Variants in RAVER1 observed in about 807,000 individuals in gnomAD.
RAVER1 encodes the protein ribonucleoprotein PTB-binding 1.
In RAVER1, 36 loss-of-function variants were observed where a neutral mutation model predicts 68.4. That is an observed-to-expected ratio of 0.53 (90% CI 0.40 to 0.70). The LOEUF (loss-of-function observed/expected upper bound fraction) is 0.70, where lower values mean the gene tolerates loss of function less well. RAVER1 is among the 30% of genes least tolerant of loss of function. RAVER1 has a pLI of 0.00. For synonymous variants in RAVER1, 469 were observed against 472.7 expected, an observed-to-expected ratio of 0.99 and a Z score of 0.10; for missense variants, 933 against 1,019.8, an observed-to-expected ratio of 0.91 and a Z score of 1.16.
intron 1 of RAVER1, among the ~76,000 whole-genome samples, chr19:10,331,599 T>C (rs570725354): frequency 2.0e-5 from 3 of 146,796 alleles, no homozygotes; most frequent in Non-Finnish European, 4.5e-5. Context: ...GGCAAGACAA[T>C]TGCTTGAACC....
intron 3 of RAVER1, among the ~76,000 whole-genome samples, chr19:10,325,172 C>G (rs2040465990): frequency 6.6e-6 from 1 of 152,132 alleles, no homozygotes; most frequent in South Asian, 2.1e-4. Context: ...AGGCACCTAC[C>G]ACCACGCCTG....
chr19:10,331,781 G>T (rs2040520741), intron 1 of RAVER1, among the ~76,000 whole-genome samples: 1 of 151,288 alleles, frequency 6.6e-6, no homozygotes, highest in Non-Finnish European at 1.5e-5. Context: ...CAACAACTCT[G>T]TAAGTGAAGT....
chr19:10,328,202 C>T lies in RAVER1; in HGVS notation c.756+440G>A, dbSNP rs1568312996. Among the ~76,000 whole-genome samples the T allele has an allele frequency of 6.6e-6, 1 of 152,104 alleles. No individual in the cohort carries two copies. Among genetic ancestry groups the T allele is most frequent in the Non-Finnish European group, 1.5e-5 (1 of 68,024 alleles). On this transcript the variant is annotated intron_variant, in intron 3 of 12. Coordinates refer to ENST00000617231, the MANE Select transcript of RAVER1 (RefSeq NM_133452.3). This position sits in a 1 kb window ranked among gnomAD's most constrained non-coding sequence, Gnocchi z 4.4. Reference sequence around the variant, plus strand: ...GTGAGTGGTGAGCAAGCCTCGAGATCCATAGTTACAAGAGTGGCCTTGCAT... The same window carrying T: ...GTGAGTGGTGAGCAAGCCTCGAGATTCATAGTTACAAGAGTGGCCTTGCAT...
In RAVER1 at chr19:10,317,612, G is replaced by A. The variant is rs1001245362; in HGVS notation, c.2074-12C>T. ...CCGCCCAGTGGGGTCTGGAGACAGA[G>A]GGCAGGGCGGGGCGGGTCAGGGGCC... is the stretch of plus-strand genomic sequence containing the variant. On this transcript the variant is annotated splice_polypyrimidine_tract_variant and intron_variant, in intron 12 of 12. Transcript: ENST00000617231. The surrounding 1 kb of genome is among the most constrained non-coding windows in gnomAD (Gnocchi z 4.3). 1.3e-6 allele frequency: 2 copies of A among 1,593,240 alleles called. No homozygotes were observed. Among genetic ancestry groups the A allele is most frequent in the Non-Finnish European group, 8.5e-7 (1 of 1,170,178 alleles).
Position 10,329,462 on chromosome 19 carries a change from G to C in RAVER1, c.287-351C>G, listed in dbSNP as rs1483764921. Among the ~76,000 whole-genome samples the C allele has an allele frequency of 6.6e-6, 1 of 152,226 alleles. No homozygotes were observed. Among genetic ancestry groups the C allele is most frequent in the Admixed American group, 6.5e-5 (1 of 15,282 alleles). ...GCCCAGATTTAAGCCCCAAGCCCCA[G>C]GTGGCTTTGGGGGTATCAGTTTCCT... On this transcript the variant is annotated intron_variant, in intron 2 of 12. Coordinates refer to ENST00000617231, the MANE Select transcript of RAVER1 (RefSeq NM_133452.3). This position sits in a 1 kb window ranked among gnomAD's most constrained non-coding sequence, Gnocchi z 4.6.
Position 10,321,159 on chromosome 19 carries a change from GC to G in RAVER1, c.1361del (p.Gly454AlafsTer53). 7.8e-7 allele frequency: 1 copy of G among 1,286,198 alleles called. No homozygotes were observed. 79.7% of individuals were successfully genotyped at this position (1,286,198 alleles called of 1,614,324 possible). A position where few individuals can be genotyped will look rare whatever the true frequency, so the allele number is the denominator to read the frequency against. ...TGAGCTGGGCCGCTGGGGGACCCAA[GC>G]CCAGGGCCTCCCGGTCACCCCCAGC... The part of the protein sequence containing the change: ...GPAGGDREAL[G>X]LGPPAAQLTP... On this transcript the variant is annotated frameshift_variant, in exon 8 of 13. Transcript: ENST00000617231. LOFTEE classifies it high-confidence loss of function.
intron 3 of RAVER1, among the ~76,000 whole-genome samples, chr19:10,325,547 G>A (rs1324824455): frequency 1.3e-5 from 2 of 151,784 alleles, no homozygotes; most frequent in Non-Finnish European, 2.9e-5. Context: ...TTACCATGTT[G>A]GCCAGGCTGG....
Position 10,316,359 on chromosome 19 carries a change from C to T in RAVER1, c.*1095G>A, listed in dbSNP as rs1023844556. The T allele has an allele frequency of 9.0e-7, 1 of 1,111,214 alleles. No homozygotes were observed. Among genetic ancestry groups the T allele is most frequent in the South Asian group, 2.5e-5 (1 of 40,358 alleles). 68.8% of individuals were successfully genotyped at this position (1,111,214 alleles called of 1,614,324 possible). A position where few individuals can be genotyped will look rare whatever the true frequency, so the allele number is the denominator to read the frequency against. On this transcript the variant is annotated 3_prime_UTR_variant, in exon 13 of 13. Transcript: ENST00000617231. ...AGCTGGTGGCCCAGTTGGCTGGGGGCAAGGCCCAGGGTCACCTCAGGTCGA... is the reference window on the plus strand; with the variant it reads ...AGCTGGTGGCCCAGTTGGCTGGGGGTAAGGCCCAGGGTCACCTCAGGTCGA...
chr19:10,331,738 G>T (rs2040520299), intron 1 of RAVER1, among the ~76,000 whole-genome samples: 1 of 148,612 alleles, frequency 6.7e-6, no homozygotes, highest in African/African-American at 2.5e-5. Context: ...CATTTAACCT[G>T]CATGAACCTC....
intron 7 of RAVER1, 46 bp from the exon 8 acceptor site, chr19:10,321,305 C>G (rs2040436181): frequency 9.6e-7 from 1 of 1,041,316 alleles, no homozygotes; most frequent in Non-Finnish European, 1.3e-6. Context: ...CACAGGACCC[C>G]TCTCCCCAGG....
At position 10,317,184 on chromosome 19, in the gene RAVER1, G is replaced by C. The variant is rs544106635; in HGVS notation, c.*270C>G. The C allele has an allele frequency of 5.6e-5, 28 of 500,008 alleles. No individual in the cohort carries two copies. In the Admixed American group the frequency reaches 7.2e-4, roughly 13 times the overall value. The allele number at this position is 500,008 out of a possible 1,614,324, so 31.0% of individuals were successfully genotyped here. ...AGACGGGCACAGCGGAGGAGGAGAT[G>C]GGGGGAGGGAGGGAGAGCAGGCCGG... On this transcript the variant is annotated 3_prime_UTR_variant, in exon 13 of 13. Coordinates refer to ENST00000617231, the MANE Select transcript of RAVER1 (RefSeq NM_133452.3). The surrounding 1 kb of genome is among the most constrained non-coding windows in gnomAD (Gnocchi z 4.3).
chr19:10,319,026 C>A, intron 10 of RAVER1, 140 bp downstream of exon 10: 1 of 732,652 alleles, frequency 1.4e-6, no homozygotes, highest in Non-Finnish European at 2.3e-6. Flanking sequence ...GCCTGGGCAA[C>A]ACAGTGAGAT....
rs778932540 is a variant in RAVER1 at position 10,333,358 on chromosome 19, G to A, written c.150C>T (p.His50=). The stretch of plus-strand genomic sequence containing the variant: ...GGCGGTTACGGAACTGGCGCTCGGT[G>A]TGTTCCAGGCGTTTCCGGATCTCTT... The part of the protein sequence containing the change: ...DPEEIRKRLE[H]TERQFRNRRK... The change falls in exon 1 of 13, where the codon CAC becomes CAT. Residue 50 remains histidine (H), a synonymous_variant. Transcript: ENST00000617231. This position sits in a 1 kb window ranked among gnomAD's most constrained non-coding sequence, Gnocchi z 4.2. 4 of 1,613,776 alleles carry A rather than the reference G, an allele frequency of 2.5e-6. No homozygotes were observed. Among genetic ancestry groups the A allele is most frequent in the African/African-American group, 1.3e-5 (1 of 74,938 alleles).
At chr19:10,331,390 C>CAAAAAAAA (rs1568314187) in intron 1 of RAVER1, among the ~76,000 whole-genome samples, 1 of 31,752 alleles carries the variant, frequency 3.1e-5, no homozygotes, top group Non-Finnish European at 5.9e-5. Flanking sequence ...AAAATAACAA[C>CAAAAAAAA]AACAAAAAAA....
intron 7 of RAVER1, 128 bp from the exon 8 acceptor site, chr19:10,321,387 T>A: frequency 1.2e-6 from 1 of 809,932 alleles, no homozygotes; most frequent in Middle Eastern, 4.1e-4. Context: ...TGAGCAGAGC[T>A]CATCCCTGGG....
chr19:10,325,792 C>CAA (rs767011564), intron 3 of RAVER1, among the ~76,000 whole-genome samples: 17 of 133,060 alleles, frequency 1.3e-4, no homozygotes, highest in African/African-American at 4.5e-4. Context: ...GAACCTGTCT[C>CAA]AAAAAAAAAA....
At chr19:10,321,411 G>C in intron 7 of RAVER1, 120 bp downstream of exon 7, 1 of 902,538 alleles carries the variant, frequency 1.1e-6, no homozygotes. Context: ...TGAGTGGAGG[G>C]CACCCAACTG....
In RAVER1 at chr19:10,329,261, C is replaced by G. The variant is rs966472572; in HGVS notation, c.287-150G>C. The G allele has an allele frequency of 8.5e-6, 5 of 588,986 alleles. No individual in the cohort carries two copies. Among genetic ancestry groups the G allele is most frequent in the Non-Finnish European group, 1.2e-5 (4 of 337,820 alleles). The allele number at this position is 588,986 out of a possible 1,614,324, so 36.5% of individuals were successfully genotyped here. A position where few individuals can be genotyped will look rare whatever the true frequency, so the allele number is the denominator to read the frequency against. On this transcript the variant is annotated intron_variant, in intron 2 of 12. Coordinates refer to ENST00000617231, the MANE Select transcript of RAVER1 (RefSeq NM_133452.3). The surrounding 1 kb of genome is among the most constrained non-coding windows in gnomAD (Gnocchi z 4.6). ...CAGTTGCCAGCCTTGGCGACTCACA[C>G]AGGCGAGAGCGCCTGCCATTGACTC...
chr19:10,325,268 A>G (rs2040466869), intron 3 of RAVER1, among the ~76,000 whole-genome samples: 1 of 152,052 alleles, frequency 6.6e-6, no homozygotes, highest in Non-Finnish European at 1.5e-5. Context: ...TCTGCCACCC[A>G]GACTGGAATG....
Sources: allele counts gnomAD v4.1 joint callset (sites outside exome capture counted in the v4.1 genomes callset), GRCh38; gene constraint gnomAD v4.1.1; non-coding constraint Gnocchi (gnomAD v3.1); transcripts MANE v1.5; gene names NCBI Gene and HGNC (gene_info 2026-07-23, HGNC 2026-07-21).